Variants in RBM39 observed in about 807,000 individuals in gnomAD.
The protein encoded by RBM39 is RNA binding motif protein 39, also known as RNA-binding protein 39.
A neutral mutation model predicts 79.6 loss-of-function variants in RBM39; 12 were observed. That is an observed-to-expected ratio of 0.15 (90% confidence interval 0.10 to 0.24). RBM39 has a LOEUF of 0.24. RBM39 is among the 10% of genes least tolerant of loss of function. RBM39 has a pLI of 1.00. For synonymous variants in RBM39, 185 were observed against 208.4 expected, an observed-to-expected ratio of 0.89 and a Z score of 0.97; for missense variants, 243 against 653.4, an observed-to-expected ratio of 0.37 and a Z score of 6.85.
intron 2 of RBM39, 62 bp downstream of exon 2, chr20:35,740,762 T>C: frequency 6.6e-7 from 1 of 1,505,750 alleles, no homozygotes; most frequent in South Asian, 1.2e-5. Flanking sequence ...ATTTCAGCAG[T>C]AGTTTCGTGA....
At chr20:35,724,532 C>T (rs1569036275) in intron 8 of RBM39, 38 bp downstream of exon 8, 1 of 1,603,444 alleles carries the variant, frequency 6.2e-7, no homozygotes, top group Non-Finnish European at 8.5e-7. Flanking sequence ...GCTTTCAACA[C>T]CACCAATAAT....
intron 6 of RBM39, 92 bp downstream of exon 6, chr20:35,729,220 T>C: frequency 1.7e-6 from 2 of 1,154,414 alleles, no homozygotes; most frequent in Non-Finnish European, 1.2e-6. Flanking sequence ...CAAGATTTAA[T>C]ATGGTCCAAA....
intron 12 of RBM39, chr20:35,710,354 T>C (rs2036252756): frequency 6.6e-6 from 1 of 152,176 alleles, no homozygotes; most frequent in Admixed American, 6.6e-5. Context: ...CTGAAGGAAC[T>C]TGAAGATAGG....
intron 4 of RBM39, 65 bp from the exon 5 acceptor site, chr20:35,729,592 C>A (rs896011071): frequency 1.1e-5 from 16 of 1,401,462 alleles, no homozygotes; most frequent in Non-Finnish European, 1.6e-5. Flanking sequence ...CGCATTCATG[C>A]GCTCTCCAGC....
chr20:35,738,139 C>T (rs1239721364), intron 3 of RBM39, among the ~76,000 whole-genome samples: 2 of 150,228 alleles, frequency 1.3e-5, no homozygotes, highest in East Asian at 2.0e-4. Context: ...CTGGGCGACA[C>T]TGCCAGACTC....
At chr20:35,712,957 T>G in intron 12 of RBM39, 62 bp downstream of exon 12, 6 of 1,417,954 alleles carry the variant, frequency 4.2e-6, no homozygotes, top group Non-Finnish European at 5.8e-6. Flanking sequence ...AATGTAAAAA[T>G]TTGGAAAATT....
intron 3 of RBM39, 146 bp downstream of exon 3, chr20:35,738,822 C>A: frequency 1.4e-6 from 1 of 718,404 alleles, no homozygotes; most frequent in Non-Finnish European, 2.3e-6. Flanking sequence ...GAGTTTGTCT[C>A]AAAAGGCAAA....
At chr20:35,741,647 G>T (rs770842191) in intron 1 of RBM39, 1 of 152,210 alleles carries the variant, frequency 6.6e-6, no homozygotes, top group East Asian at 1.9e-4. Context: ...CATTGGGAGG[G>T]GTTATGAGCC....
chr20:35,724,867 T>A (rs1006628000), intron 7 of RBM39, 145 bp from the exon 8 acceptor site: 2 of 1,165,180 alleles, frequency 1.7e-6, no homozygotes, highest in Admixed American at 2.5e-5. Context: ...ATCCTATCTT[T>A]ATCTTTGAAC....
intron 3 of RBM39, among the ~76,000 whole-genome samples, chr20:35,733,057 C>T (rs1278070662): frequency 6.6e-6 from 1 of 152,136 alleles, no homozygotes; most frequent in African/African-American, 2.4e-5. Context: ...AATCCCAACC[C>T]TTTGGGAGGC....
chr20:35,710,818 G>A (rs950677282), intron 12 of RBM39, among the ~76,000 whole-genome samples: 2 of 152,010 alleles, frequency 1.3e-5, no homozygotes, highest in South Asian at 2.1e-4. Context: ...TTATAGCAAG[G>A]CTAATAAAAC....
At chr20:35,737,336 G>C (rs1027061732) in intron 3 of RBM39, among the ~76,000 whole-genome samples, 2 of 147,670 alleles carry the variant, frequency 1.4e-5, no homozygotes, top group Non-Finnish European at 3.0e-5. Flanking sequence ...GTTGCAGTGA[G>C]CCAAGACTGC....
chr20:35,725,213 T>C (rs759627336), intron 6 of RBM39, 58 bp from the exon 7 acceptor site: 12 of 1,218,170 alleles, frequency 9.9e-6, no homozygotes, highest in African/African-American at 1.6e-5. Context: ...ATAATTTTTA[T>C]CTTTTTTATT....
At chr20:35,723,042 C>A (rs892343024) in intron 8 of RBM39, among the ~76,000 whole-genome samples, 1 of 151,846 alleles carries the variant, frequency 6.6e-6, no homozygotes, top group Admixed American at 6.6e-5. Context: ...ACCACAAATA[C>A]TAAATACAGA....
intron 9 of RBM39, chr20:35,720,068 T>G (rs2037713372): frequency 5.3e-6 from 1 of 190,184 alleles, no homozygotes; most frequent in South Asian, 6.1e-5. Context: ...ATTACAGGTG[T>G]GAGCCACTGC....
intron 9 of RBM39, among the ~76,000 whole-genome samples, chr20:35,717,811 T>C (rs1166900591): frequency 1.3e-5 from 2 of 152,116 alleles, no homozygotes; most frequent in Non-Finnish European, 2.9e-5. Flanking sequence ...ATCATGCTGT[T>C]GCACTCCAGC....
intron 14 of RBM39, among the ~76,000 whole-genome samples, chr20:35,706,809 C>A (rs959827401): frequency 6.6e-6 from 1 of 152,042 alleles, no homozygotes; most frequent in Non-Finnish European, 1.5e-5. Flanking sequence ...GGGCGGATCA[C>A]CTCAGGTCGG....
rs181348499 is a variant in RBM39, at chr20:35,719,936, C to A, written c.825+1804G>T. On this transcript the variant is annotated intron_variant, in intron 9 of 16. Coordinates refer to ENST00000253363, the MANE Select transcript of RBM39 (RefSeq NM_184234.3). Reference sequence around the variant, plus strand: ...TAGCTGGGATTAGAGGGATGCGCCACCACACCCACCTAATTTTTCTATTTT... The same window carrying A: ...TAGCTGGGATTAGAGGGATGCGCCAACACACCCACCTAATTTTTCTATTTT... 121 of 242,244 alleles carry A rather than the reference C, an allele frequency of 5.0e-4. 1 individual carries two copies. Among genetic ancestry groups the A allele is most frequent in the Non-Finnish European group, 9.6e-4 (109 of 113,284 alleles). 15.0% of individuals were successfully genotyped at this position (242,244 alleles called of 1,614,324 possible).
In RBM39 at chr20:35,705,129, T is replaced by G. The variant is rs186867532; in HGVS notation, c.1413+96A>C. ...AGGCACACACACACAAAAACTATAA[T>G]GGAAGACGGTTAACCATAACATGCA... On this transcript the variant is annotated intron_variant, in intron 15 of 16. Coordinates refer to ENST00000253363, the MANE Select transcript of RBM39 (RefSeq NM_184234.3). The G allele has an allele frequency of 7.2e-5, 54 of 754,002 alleles. 1 individual carries two copies. The Admixed American group carries it at 1.4e-3, about 19-fold the overall frequency. 46.7% of individuals were successfully genotyped at this position (754,002 alleles called of 1,614,324 possible).
Sources: gnomAD v4.1 joint callset for allele counts (sites outside exome capture counted in the v4.1 genomes callset) on GRCh38, gnomAD v4.1.1 for gene constraint, MANE v1.5 for transcripts, NCBI Gene and HGNC (gene_info 2026-07-23, HGNC 2026-07-21) for gene names.